Variants in RBPMS observed in about 807,000 individuals in gnomAD.
RBPMS encodes the protein RNA-binding protein with multiple splicing.
A neutral mutation model predicts 26.8 loss-of-function variants in RBPMS; 7 were observed. That is an observed-to-expected ratio of 0.26 (90% CI 0.15 to 0.49). The LOEUF (loss-of-function observed/expected upper bound fraction) is 0.49, where lower values mean the gene tolerates loss of function less well. Among genes scored for constraint, RBPMS ranks in the 20% least tolerant of loss-of-function variants. RBPMS has a pLI of 0.98. For synonymous variants in RBPMS, 96 were observed against 93.3 expected (o/e 1.03, Z -0.17); for missense variants, 186 against 250.0 (o/e 0.74, Z 1.73).
chr8:30,388,302 TATATA>T (rs1807349539), intron 1 of RBPMS, among the ~76,000 whole-genome samples: 1 of 151,868 alleles, frequency 6.6e-6, no homozygotes, highest in Admixed American at 6.6e-5. Context: ...TAAAAATTGA[TATATA>T]ATAGATCCAT....
intron 1 of RBPMS, among the ~76,000 whole-genome samples, chr8:30,462,504 A>C (rs558582070): frequency 2.6e-5 from 4 of 151,806 alleles, no homozygotes; most frequent in African/African-American, 9.7e-5. Context: ...GCTCACTCCA[A>C]CCTCCTCCTC....
chr8:30,411,934 C>T lies in RBPMS; in HGVS notation c.66+26776C>T, dbSNP rs1379721921. Among the ~76,000 whole-genome samples, 8 of 150,600 alleles carry T rather than the reference C, an allele frequency of 5.3e-5. No individual in the cohort carries two copies. In the East Asian group the frequency reaches 7.8e-4, roughly 15 times the overall value. On this transcript the variant is annotated intron_variant, in intron 1 of 8. Transcript: ENST00000397323. Reference sequence around the variant, plus strand: ...GCAGGAGGCGGAGGTTGCAGTGAACCGAGATCGCGCCATTGCACTCCAGCC... The same window carrying T: ...GCAGGAGGCGGAGGTTGCAGTGAACTGAGATCGCGCCATTGCACTCCAGCC...
intron 1 of RBPMS, among the ~76,000 whole-genome samples, chr8:30,461,844 G>A (rs1815948988): frequency 1.3e-5 from 2 of 152,184 alleles, no homozygotes; most frequent in South Asian, 2.1e-4. Flanking sequence ...TTTATTATAT[G>A]TGTGTGTTCA....
At chr8:30,507,776 GAAGA>G (rs1283990246) in intron 5 of RBPMS, among the ~76,000 whole-genome samples, 2 of 152,326 alleles carry the variant, frequency 1.3e-5, no homozygotes, top group African/African-American at 2.4e-5. Context: ...CTTTGGAGGT[GAAGA>G]AAGAGTAAGT....
Position 30,480,801 on chromosome 8 carries a change from A to G in RBPMS, c.246+1424A>G, listed in dbSNP as rs775520221. On this transcript the variant is annotated intron_variant, in intron 4 of 8. Coordinates refer to ENST00000397323, the MANE Select transcript of RBPMS (RefSeq NM_001008710.3). ...ATAATGACACTTTAAACTTAAAAGT[A>G]GAACCACAATTTCAATTTAGCAGTG... Among the ~76,000 whole-genome samples, 40 of 152,378 alleles carry G rather than the reference A, an allele frequency of 2.6e-4. No homozygotes were observed. In the Middle Eastern group the frequency reaches 0.01, roughly 39 times the overall value.
At chr8:30,450,519 G>T (rs1048869891) in intron 1 of RBPMS, among the ~76,000 whole-genome samples, 4 of 152,124 alleles carry the variant, frequency 2.6e-5, no homozygotes, top group African/African-American at 7.2e-5. Flanking sequence ...CTGTGATACT[G>T]ACTGGCAGCT....
At chr8:30,426,856 A>G (rs1211101382) in intron 1 of RBPMS, among the ~76,000 whole-genome samples, 1 of 150,618 alleles carries the variant, frequency 6.6e-6, no homozygotes, top group East Asian at 1.9e-4. Flanking sequence ...ACACACACAG[A>G]CATACACACA....
intron 1 of RBPMS, among the ~76,000 whole-genome samples, chr8:30,412,707 A>G (rs534179980): frequency 6.6e-6 from 1 of 152,156 alleles, no homozygotes; most frequent in Admixed American, 6.5e-5. Flanking sequence ...GGAGAGAAAA[A>G]TAGTAGATAA....
intron 1 of RBPMS, among the ~76,000 whole-genome samples, chr8:30,439,331 G>A (rs1812816910): frequency 6.6e-6 from 1 of 152,162 alleles, no homozygotes; most frequent in African/African-American, 2.4e-5. Context: ...ATGTTTCTTG[G>A]CAGATCTTAC....
At chr8:30,562,810 G>A (rs1484478948) in intron 7 of RBPMS, among the ~76,000 whole-genome samples, 1 of 152,168 alleles carries the variant, frequency 6.6e-6, no homozygotes, top group Non-Finnish European at 1.5e-5. Flanking sequence ...ACGAGCAGGA[G>A]TGATGCCGTC....
At chr8:30,541,994 C>A (rs764251293) in intron 5 of RBPMS, among the ~76,000 whole-genome samples, 1 of 152,200 alleles carries the variant, frequency 6.6e-6, no homozygotes, top group African/African-American at 2.4e-5. Context: ...CAGGTGCGAT[C>A]CTGACCTGGT....
chr8:30,534,143 T>C (rs1824558717), intron 5 of RBPMS, among the ~76,000 whole-genome samples: 1 of 145,906 alleles, frequency 6.9e-6, no homozygotes, highest in African/African-American at 2.6e-5. Context: ...AAAAAAAAAA[T>C]TGTTTTTGTA....
intron 1 of RBPMS, among the ~76,000 whole-genome samples, chr8:30,443,834 A>G (rs1422574392): frequency 2.0e-5 from 3 of 152,016 alleles, no homozygotes; most frequent in African/African-American, 7.3e-5. Context: ...TGACCTTGTG[A>G]TCTGCCCGCC....
chr8:30,552,514 C>G (rs1585860756), intron 6 of RBPMS: 1 of 152,194 alleles, frequency 6.6e-6, no homozygotes. Context: ...CGTTCTGCCA[C>G]GAAGTTCTAT....
At chr8:30,554,493 G>A (rs1361421522) in intron 6 of RBPMS, among the ~76,000 whole-genome samples, 1 of 152,208 alleles carries the variant, frequency 6.6e-6, no homozygotes, top group Admixed American at 6.5e-5. Context: ...AACTGCTGAA[G>A]GGACCAAATT....
chr8:30,409,057 G>A (rs1808985448), intron 1 of RBPMS, among the ~76,000 whole-genome samples: 1 of 152,142 alleles, frequency 6.6e-6, no homozygotes, highest in South Asian at 2.1e-4. Flanking sequence ...TACCGCCATT[G>A]TATGGATGTG....
rs572082619 is a variant in RBPMS, at chr8:30,570,108, CAGTGGTCACCTAAA to C, written c.*112-528_*112-515del. On this transcript the variant is annotated intron_variant, in intron 8 of 8. Coordinates refer to ENST00000397323, the MANE Select transcript of RBPMS (RefSeq NM_001008710.3). Reference sequence around the variant, plus strand: ...CAAGCTCATCCCGTACGCTATGTTTCAGTGGTCACCTAAATATTCTCATTTCAGGACTTTTTAAA... The same window carrying C: ...CAAGCTCATCCCGTACGCTATGTTTCTATTCTCATTTCAGGACTTTTTAAA... Among the ~76,000 whole-genome samples the C allele has an allele frequency of 6.7e-3, 1,020 of 152,308 alleles. 6 individuals carry two copies. The highest frequency in any genetic ancestry group is 0.012 in the Non-Finnish European group (784 of 68,034).
intron 1 of RBPMS, among the ~76,000 whole-genome samples, chr8:30,419,835 T>G (rs1810545395): frequency 6.6e-6 from 1 of 152,026 alleles, no homozygotes; most frequent in Admixed American, 6.6e-5. Flanking sequence ...ACTAATCAAT[T>G]AGAACACATA....
chr8:30,448,988 A>G (rs1814207441), intron 1 of RBPMS, among the ~76,000 whole-genome samples: 1 of 152,194 alleles, frequency 6.6e-6, no homozygotes, highest in African/African-American at 2.4e-5. Flanking sequence ...CCTGGGATTG[A>G]AGTCAGGCCT....
Sources: gnomAD v4.1 joint callset for allele counts (sites outside exome capture counted in the v4.1 genomes callset) on GRCh38, gnomAD v4.1.1 for gene constraint, MANE v1.5 for transcripts, NCBI Gene and HGNC (gene_info 2026-07-23, HGNC 2026-07-21) for gene names.